Variants in CSNK2A2 observed in about 807,000 individuals in gnomAD.
CSNK2A2 encodes casein kinase II subunit alpha'.
In CSNK2A2, 8 loss-of-function variants were observed where a neutral mutation model predicts 54.0. That is an observed-to-expected ratio of 0.15 (90% CI 0.09 to 0.27). The LOEUF (loss-of-function observed/expected upper bound fraction) is 0.27. Among genes scored for constraint, CSNK2A2 ranks in the 10% least tolerant of loss-of-function variants. The pLI is 1.00. For missense variants in CSNK2A2, 242 were observed against 439.4 expected, an observed-to-expected ratio of 0.55 and a Z score of 4.02; for synonymous variants, 141 against 153.9, an observed-to-expected ratio of 0.92 and a Z score of 0.62.
chr16:58,186,717 G>A (rs201618369), intron 3 of CSNK2A2, 38 bp downstream of exon 3: 268 of 1,452,250 alleles, frequency 1.8e-4, no homozygotes, highest in Admixed American at 5.3e-4. Context: ...TCCACACCCC[G>A]GTCTACTAGT....
chr16:58,185,208 G>C lies in CSNK2A2; in HGVS notation c.319-898C>G, dbSNP rs1234584909. Among the ~76,000 whole-genome samples the C allele has an allele frequency of 2.0e-5, 3 of 152,048 alleles. No homozygotes were observed. In the East Asian group the frequency reaches 5.8e-4, roughly 29 times the overall value. On this transcript the variant is annotated intron_variant, in intron 3 of 11. Transcript: ENST00000262506. ...CAAGAACCATGTGAAAGTTACCTAGGAAACAGGCCACAGGGCAGCATGCAG... is the reference window on the plus strand; with the variant it reads ...CAAGAACCATGTGAAAGTTACCTAGCAAACAGGCCACAGGGCAGCATGCAG...
chr16:58,178,155 T>C (rs1961927862), intron 4 of CSNK2A2, among the ~76,000 whole-genome samples: 1 of 152,232 alleles, frequency 6.6e-6, no homozygotes, highest in South Asian at 2.1e-4. Flanking sequence ...ATGTGAGTGA[T>C]TTAGAAATCC....
At chr16:58,158,731 C>G (rs959090620) in intron 11 of CSNK2A2, among the ~76,000 whole-genome samples, 1 of 152,156 alleles carries the variant, frequency 6.6e-6, no homozygotes, top group Non-Finnish European at 1.5e-5. Context: ...GCTCTAGGTC[C>G]CCCTCAGACC....
At chr16:58,193,155 G>A (rs1233906685) in intron 2 of CSNK2A2, among the ~76,000 whole-genome samples, 1 of 152,204 alleles carries the variant, frequency 6.6e-6, no homozygotes, top group African/African-American at 2.4e-5. Flanking sequence ...GTTTCAGGAA[G>A]ATGTCTTCAT....
rs949689677 is a variant in CSNK2A2 at position 58,196,808 on chromosome 16, A to C, written c.141T>G (p.Gly47=). 6.2e-7 allele frequency: 1 copy of C among 1,613,920 alleles called. No individual in the cohort carries two copies. Among genetic ancestry groups the C allele is most frequent in the Non-Finnish European group, 8.5e-7 (1 of 1,179,828 alleles). The change falls in exon 2 of 12, where the codon GGT becomes GGG. Residue 47 remains glycine (G), a synonymous_variant. Coordinates refer to ENST00000262506, the MANE Select transcript of CSNK2A2 (RefSeq NM_001896.4). ...CAAATACTTCACTATATTTTCCCCG[A>C]CCAAGTTTTCGAACCAGTTGGTAAT... ...QDDYQLVRKL[G]RGKYSEVFEA...
intron 4 of CSNK2A2, among the ~76,000 whole-genome samples, chr16:58,176,469 C>A (rs1220082910): frequency 6.6e-6 from 1 of 152,170 alleles, no homozygotes; most frequent in Non-Finnish European, 1.5e-5. Context: ...TTGCCATTCA[C>A]CCTCACTTCT....
At chr16:58,175,391 C>A (rs1221121096) in intron 4 of CSNK2A2, among the ~76,000 whole-genome samples, 3 of 152,142 alleles carry the variant, frequency 2.0e-5, no homozygotes, top group African/African-American at 7.2e-5. Flanking sequence ...AATTAAGAAA[C>A]ACACCTTTAT....
Position 58,197,577 on chromosome 16 carries a change from G to T in CSNK2A2, c.104+56C>A. ...CGGGCCCGAGTGCGGTTCGCAGGGG[G>T]TGGCCGGGCGGGGGCAGGGATCAGC... On this transcript the variant is annotated intron_variant, in intron 1 of 11. Coordinates refer to ENST00000262506, the MANE Select transcript of CSNK2A2 (RefSeq NM_001896.4). The surrounding 1 kb of genome is among the most constrained non-coding windows in gnomAD (Gnocchi z 4.0). 3.1e-6 allele frequency: 4 copies of T among 1,286,838 alleles called. No individual in the cohort carries two copies. Among genetic ancestry groups the T allele is most frequent in the East Asian group, 2.9e-5 (1 of 34,698 alleles). 79.7% of individuals were successfully genotyped at this position (1,286,838 alleles called of 1,614,324 possible).
At chr16:58,194,683 G>C (rs1962389774) in intron 2 of CSNK2A2, among the ~76,000 whole-genome samples, 1 of 152,194 alleles carries the variant, frequency 6.6e-6, no homozygotes, top group Admixed American at 6.5e-5. Context: ...TAGGAAACAG[G>C]AGTTCTGGCT....
chr16:58,181,044 CTT>C (rs1962026095), intron 4 of CSNK2A2, among the ~76,000 whole-genome samples: 1 of 152,186 alleles, frequency 6.6e-6, no homozygotes, highest in African/African-American at 2.4e-5. Context: ...TTAATGATCT[CTT>C]GATTAAAATG....
At chr16:58,193,689 CTTTTCT>C (rs1394655354) in intron 2 of CSNK2A2, among the ~76,000 whole-genome samples, 2 of 152,174 alleles carry the variant, frequency 1.3e-5, no homozygotes, top group African/African-American at 4.8e-5. Flanking sequence ...TCTGTGTACA[CTTTTCT>C]AAGAGGTACT....
At chr16:58,163,634 A>G (rs1961467365) in intron 11 of CSNK2A2, 1 of 153,404 alleles carries the variant, frequency 6.5e-6, no homozygotes, top group South Asian at 2.0e-4. Flanking sequence ...GTGTCAGTAT[A>G]GACTGCTGAC....
rs992234444 is a variant in CSNK2A2 at position 58,184,193 on chromosome 16, A to T, written c.369+67T>A. On this transcript the variant is annotated intron_variant, in intron 4 of 11. Coordinates refer to ENST00000262506, the MANE Select transcript of CSNK2A2 (RefSeq NM_001896.4). Reference sequence around the variant, plus strand: ...GCCCTGGCCCCTTGGGTTCTGGAGTACACAGTATTTATCACCAGCTCCCCC... The same window carrying T: ...GCCCTGGCCCCTTGGGTTCTGGAGTTCACAGTATTTATCACCAGCTCCCCC... The T allele has an allele frequency of 3.9e-6, 5 of 1,272,080 alleles. No homozygotes were observed. The Admixed American group carries it at 9.6e-5, about 24-fold the overall frequency. The allele number at this position is 1,272,080 out of a possible 1,614,324, so 78.8% of individuals were successfully genotyped here.
chr16:58,184,619 A>G (rs1039350911), intron 3 of CSNK2A2, among the ~76,000 whole-genome samples: 3 of 152,230 alleles, frequency 2.0e-5, no homozygotes, highest in Non-Finnish European at 4.4e-5. Flanking sequence ...TACTTTTGAA[A>G]ATGGTTGAAA....
At chr16:58,174,643 C>A in intron 4 of CSNK2A2, 133 bp from the exon 5 acceptor site, 1 of 538,412 alleles carries the variant, frequency 1.9e-6, no homozygotes, top group Non-Finnish European at 3.2e-6. Flanking sequence ...ACTACCTGAT[C>A]TGAAATAAAT....
rs1164102499 is a variant in CSNK2A2, at chr16:58,198,080, G to GGCGGCA, written c.-350_-345dup. ...CACCGGCCGGGAAAGGGGCAGCGGC[G>GGCGGCA]GCGGCAGCGGAGAAGAAGGAGGAGA... On this transcript the variant is annotated 5_prime_UTR_variant, in exon 1 of 12. Coordinates refer to ENST00000262506, the MANE Select transcript of CSNK2A2 (RefSeq NM_001896.4). 3.4e-5 allele frequency among the ~76,000 whole-genome samples: 5 copies of GGCGGCA among 146,604 alleles called. No homozygotes were observed. Among genetic ancestry groups the GGCGGCA allele is most frequent in the Admixed American group, 2.7e-4 (4 of 14,784 alleles).
In CSNK2A2 at chr16:58,171,627, T is replaced by C. The variant is rs559920841; in HGVS notation, c.429+2824A>G. Among the ~76,000 whole-genome samples the C allele has an allele frequency of 5.9e-5, 9 of 152,106 alleles. No individual in the cohort carries two copies. In the South Asian group the frequency reaches 1.9e-3, roughly 32 times the overall value. ...TGAACAGAAGAACACAAGAGAGCCC[T>C]GCAGGATGTTCACAATATCCTCTAC... is the stretch of plus-strand genomic sequence containing the variant. On this transcript the variant is annotated intron_variant, in intron 5 of 11. Transcript: ENST00000262506.
intron 8 of CSNK2A2, 57 bp from the exon 9 acceptor site, chr16:58,166,741 T>C (rs1448591301): frequency 1.7e-6 from 2 of 1,204,806 alleles, no homozygotes; most frequent in East Asian, 4.6e-5. Context: ...CATGAGCCCG[T>C]GAGGACACTG....
intron 5 of CSNK2A2, among the ~76,000 whole-genome samples, chr16:58,172,086 C>A (rs1175140651): frequency 1.3e-5 from 2 of 148,218 alleles, no homozygotes; most frequent in African/African-American, 5.0e-5. Flanking sequence ...CCTCCCGAAG[C>A]ATTGGGATTT....
Sources: gnomAD v4.1 joint callset for allele counts (sites outside exome capture counted in the v4.1 genomes callset) on GRCh38, gnomAD v4.1.1 for gene constraint, Gnocchi (gnomAD v3.1) non-coding constraint, MANE v1.5 for transcripts, NCBI Gene and HGNC (gene_info 2026-07-23, HGNC 2026-07-21) for gene names.